The following PPP2R3C variants were observed in gnomAD, a reference collection of about 807,000 sequenced individuals.
PPP2R3C encodes the protein protein phosphatase 2 regulatory subunit B''gamma.
A neutral mutation model predicts 63.7 loss-of-function variants in PPP2R3C; 47 were observed. The observed-to-expected ratio is 0.74, with a 90% CI of 0.58 to 0.94. The LOEUF (loss-of-function observed/expected upper bound fraction) is 0.94, where lower values mean the gene tolerates loss of function less well. Among genes scored for constraint, PPP2R3C ranks in the 40% least tolerant of loss-of-function variants. The pLI is 0.00. For synonymous variants in PPP2R3C, 180 were observed against 177.4 expected (o/e 1.01, Z -0.12); for missense variants, 421 against 518.4 (o/e 0.81, Z 1.82).
intron 1 of PPP2R3C, chr14:35,117,107 G>A (rs1048382782): frequency 2.4e-5 from 11 of 455,858 alleles, no homozygotes; most frequent in Non-Finnish European, 4.8e-5. Context: ...GACACGGAAT[G>A]AGGGGTGAGC....
intron 7 of PPP2R3C, among the ~76,000 whole-genome samples, chr14:35,097,996 A>G (rs559768261): frequency 6.6e-6 from 1 of 152,226 alleles, no homozygotes; most frequent in Admixed American, 6.6e-5. Flanking sequence ...ACAATAATGT[A>G]CCTTCCTTAT....
chr14:35,088,541 A>G (rs1212056515), intron 11 of PPP2R3C, among the ~76,000 whole-genome samples: 1 of 152,250 alleles, frequency 6.6e-6, no homozygotes, highest in Non-Finnish European at 1.5e-5. Context: ...CAGTAGGAAT[A>G]CAAAATACTT....
chr14:35,110,567 T>G lies in PPP2R3C; in HGVS notation c.249A>C (p.Leu83=). 1 of 1,612,812 alleles carries G rather than the reference T, an allele frequency of 6.2e-7. No homozygotes were observed. The highest frequency in any genetic ancestry group is 8.5e-7 in the Non-Finnish European group (1 of 1,179,572). Reference sequence around the variant, plus strand: ...CTAACAGTTCTCTGCTTTTTCTTTGTAGAAAGACAGCTCTTGATTCCTCTC... The same window carrying G: ...CTAACAGTTCTCTGCTTTTTCTTTGGAGAAAGACAGCTCTTGATTCCTCTC... ...KLREESRAVF[L]QRKSRELLDN... is the part of the protein sequence containing the mutation. The change falls in exon 3 of 13, where the codon CTA becomes CTC. Residue 83 remains leucine (L), a synonymous_variant. Transcript: ENST00000261475.
chr14:35,109,422 A>G (rs2046473693), intron 4 of PPP2R3C, among the ~76,000 whole-genome samples: 2 of 152,234 alleles, frequency 1.3e-5, no homozygotes, highest in African/African-American at 2.4e-5. Context: ...ATTAAATTTA[A>G]TTAGTAACTT....
At chr14:35,106,067 G>C (rs958064781) in intron 6 of PPP2R3C, among the ~76,000 whole-genome samples, 1 of 151,394 alleles carries the variant, frequency 6.6e-6, no homozygotes, top group East Asian at 1.9e-4. Flanking sequence ...GAATGGTCTC[G>C]ATCTCCTGAC....
At chr14:35,116,804 ATATAT>A (rs2046724076) in intron 1 of PPP2R3C, 67 bp from the exon 2 acceptor site, 6 of 1,216,148 alleles carry the variant, frequency 4.9e-6, no homozygotes, top group Non-Finnish European at 6.6e-6. Flanking sequence ...AGGTCATCCT[ATATAT>A]TATATTAATA....
chr14:35,089,306 T>C (rs1470750510), intron 11 of PPP2R3C, among the ~76,000 whole-genome samples: 1 of 152,158 alleles, frequency 6.6e-6, no homozygotes, highest in Non-Finnish European at 1.5e-5. Context: ...TCTCCCTATG[T>C]TGCCCAGGCT....
At chr14:35,108,108 A>C in intron 5 of PPP2R3C, 31 bp downstream of exon 5, 1 of 1,595,490 alleles carries the variant, frequency 6.3e-7, no homozygotes, top group Non-Finnish European at 8.5e-7. Context: ...ATTCCCAGAT[A>C]AGGAGTTCAA....
intron 11 of PPP2R3C, among the ~76,000 whole-genome samples, chr14:35,090,711 A>C (rs1595077180): frequency 9.1e-6 from 1 of 110,352 alleles, no homozygotes; most frequent in South Asian, 2.9e-4. Flanking sequence ...GCATCTCACA[A>C]TTTTTTTTTT....
rs1407260375 is a variant in PPP2R3C, at chr14:35,109,749, C to T, written c.404+70G>A. ...GGGATTACAGGTGTGAGCCACTGTGCCCAGCCAATATTTGAGGCATTTAAA... is the reference window on the plus strand; with the variant it reads ...GGGATTACAGGTGTGAGCCACTGTGTCCAGCCAATATTTGAGGCATTTAAA... On this transcript the variant is annotated intron_variant, in intron 4 of 12. Coordinates refer to ENST00000261475, the MANE Select transcript of PPP2R3C (RefSeq NM_017917.4). The T allele has an allele frequency of 5.5e-6, 7 of 1,271,640 alleles. No homozygotes were observed. In the Admixed American group the frequency reaches 1.1e-4, roughly 21 times the overall value. The allele number at this position is 1,271,640 out of a possible 1,614,324, so 78.8% of individuals were successfully genotyped here. A position where few individuals can be genotyped will look rare whatever the true frequency, so the allele number is the denominator to read the frequency against.
At chr14:35,096,835 T>C in intron 7 of PPP2R3C, 71 bp from the exon 8 acceptor site, 1 of 1,355,364 alleles carries the variant, frequency 7.4e-7, no homozygotes, top group South Asian at 1.5e-5. Context: ...TAAAAAAAAA[T>C]TTTTTTAACA....
chr14:35,109,262 G>T (rs552034517), intron 4 of PPP2R3C, among the ~76,000 whole-genome samples: 2 of 151,880 alleles, frequency 1.3e-5, no homozygotes, highest in South Asian at 4.2e-4. Flanking sequence ...TCACCATGTT[G>T]GTCAGGATGG....
chr14:35,119,834 G>A (rs1238533012), intron 1 of PPP2R3C, among the ~76,000 whole-genome samples: 1 of 148,598 alleles, frequency 6.7e-6, no homozygotes, highest in Admixed American at 6.8e-5. Context: ...TTAAATAGGA[G>A]CATGGACAGT....
At chr14:35,086,557 G>A (rs1277739729) in intron 12 of PPP2R3C, 2 of 150,742 alleles carry the variant, frequency 1.3e-5, no homozygotes, top group African/African-American at 2.5e-5. Flanking sequence ...GAGTGCAATG[G>A]TGTGATCTCG....
intron 11 of PPP2R3C, among the ~76,000 whole-genome samples, chr14:35,090,526 A>C (rs1347344024): frequency 1.3e-5 from 2 of 152,102 alleles, no homozygotes. Flanking sequence ...AAAAATAAAT[A>C]AAAATCACGA....
intron 1 of PPP2R3C, among the ~76,000 whole-genome samples, chr14:35,118,945 C>T (rs760220744): frequency 7.9e-5 from 12 of 152,030 alleles, no homozygotes; most frequent in Non-Finnish European, 1.2e-4. Context: ...AGCCACTGCG[C>T]CCAGCCAAGT....
intron 2 of PPP2R3C, among the ~76,000 whole-genome samples, 192 bp downstream of exon 2, chr14:35,116,417 AT>A (rs2046711206): frequency 6.6e-6 from 1 of 152,006 alleles, no homozygotes; most frequent in Non-Finnish European, 1.5e-5. Context: ...ATGTCCAGCT[AT>A]TTTTTAAAAA....
Position 35,090,237 on chromosome 14 carries a change from GTTT to G in PPP2R3C, c.1113+830_1113+832del, listed in dbSNP as rs34745484. On this transcript the variant is annotated intron_variant, in intron 11 of 12. Transcript: ENST00000261475. ...ATTTTTATAGACTTTGGTAGTTGTA[GTTT>G]TTTTTTTTTTTTTTTTTTTGAGACC... Among the ~76,000 whole-genome samples, 711 of 116,864 alleles carry G rather than the reference GTTT, an allele frequency of 6.1e-3. 5 individuals carry two copies. The highest frequency in any genetic ancestry group is 0.022 in the African/African-American group (686 of 31,500). 76.7% of individuals were successfully genotyped at this position (116,864 alleles called of 152,430 possible). A position where few individuals can be genotyped will look rare whatever the true frequency, so the allele number is the denominator to read the frequency against.
intron 10 of PPP2R3C, among the ~76,000 whole-genome samples, chr14:35,092,607 C>G (rs1224446148): frequency 6.6e-6 from 1 of 151,870 alleles, no homozygotes; most frequent in East Asian, 1.9e-4. Flanking sequence ...TCTGGGATTA[C>G]AGGCATGCAC....
Sources: gnomAD v4.1 joint callset for allele counts (sites outside exome capture counted in the v4.1 genomes callset) on GRCh38, gnomAD v4.1.1 for gene constraint, MANE v1.5 for transcripts, NCBI Gene and HGNC (gene_info 2026-07-23, HGNC 2026-07-21) for gene names.